The following RNLS variants were observed in gnomAD, a reference collection of about 807,000 sequenced individuals.
The protein encoded by RNLS is renalase, FAD dependent amine oxidase.
In RNLS, 39 loss-of-function variants were observed where a neutral mutation model predicts 39.8. That is an observed-to-expected ratio of 0.98 (90% CI 0.76 to 1.28). The LOEUF (loss-of-function observed/expected upper bound fraction) is 1.28, where lower values mean the gene tolerates loss of function less well. RNLS is among the 50% of genes most tolerant of loss of function. RNLS has a pLI of 0.00. For synonymous variants in RNLS, 147 were observed against 150.7 expected (o/e 0.98, Z 0.18); for missense variants, 410 against 413.3 (o/e 0.99, Z 0.07).
At chr10:88,277,089 A>G (rs1399468868) in intron 6 of RNLS, among the ~76,000 whole-genome samples, 1 of 152,234 alleles carries the variant, frequency 6.6e-6, no homozygotes, top group African/African-American at 2.4e-5. Flanking sequence ...ATGTCCATCA[A>G]TGATAGACTG....
At chr10:88,436,858 T>A (rs558445190) in intron 4 of RNLS, among the ~76,000 whole-genome samples, 60 of 152,316 alleles carry the variant, frequency 3.9e-4, no homozygotes, top group African/African-American at 1.4e-3. Context: ...AAGTGCCCAA[T>A]AATAAAATCA....
At chr10:88,440,736 C>A (rs1307188419) in intron 4 of RNLS, among the ~76,000 whole-genome samples, 1 of 152,210 alleles carries the variant, frequency 6.6e-6, no homozygotes, top group East Asian at 1.9e-4. Context: ...CAATAAAAAT[C>A]TTTCCATTTA....
intron 6 of RNLS, among the ~76,000 whole-genome samples, chr10:88,293,228 G>A (rs770296604): frequency 3.3e-5 from 5 of 152,150 alleles, no homozygotes; most frequent in South Asian, 4.1e-4. Flanking sequence ...TGCTCATTGC[G>A]TATGTGAGGT....
intron 4 of RNLS, among the ~76,000 whole-genome samples, chr10:88,374,490 T>C (rs1850807279): frequency 6.6e-6 from 1 of 152,114 alleles, no homozygotes; most frequent in South Asian, 2.1e-4. Flanking sequence ...GTCAAAAACA[T>C]AAATTCCTCC....
At chr10:88,330,514 T>A (rs1019479409) in intron 5 of RNLS, among the ~76,000 whole-genome samples, 8 of 152,128 alleles carry the variant, frequency 5.3e-5, no homozygotes, top group African/African-American at 1.7e-4. Flanking sequence ...ATAGGCTTTT[T>A]AAATAAAATC....
At chr10:88,235,140 T>C in the RNLS span, among the ~76,000 whole-genome samples, 17 of 151,162 alleles carry the variant, frequency 1.1e-4, no homozygotes, top group African/African-American at 2.2e-4. Flanking sequence ...TGGTGGCGGG[T>C]GCCTGTAGTC....
chr10:88,495,205 T>C (rs971857651), intron 4 of RNLS, among the ~76,000 whole-genome samples: 2 of 152,160 alleles, frequency 1.3e-5, no homozygotes, highest in Non-Finnish European at 2.9e-5. Context: ...TGGACAAAGA[T>C]TTTTGTACAG....
At chr10:88,415,946 G>A (rs1444999302) in intron 4 of RNLS, among the ~76,000 whole-genome samples, 1 of 152,168 alleles carries the variant, frequency 6.6e-6, no homozygotes, top group Non-Finnish European at 1.5e-5. Context: ...CTGTGGGTCT[G>A]ATCTGTGGGC....
the RNLS span, among the ~76,000 whole-genome samples, chr10:88,244,093 G>T: frequency 6.6e-6 from 1 of 152,160 alleles, no homozygotes; most frequent in Non-Finnish European, 1.5e-5. Context: ...AATGCTCTTC[G>T]GGCTTGTTAA....
At chr10:88,251,578 G>A in the RNLS span, among the ~76,000 whole-genome samples, 1 of 152,186 alleles carries the variant, frequency 6.6e-6, no homozygotes, top group African/African-American at 2.4e-5. Context: ...CTGTTATAAG[G>A]AGTTTGTTGG....
chr10:88,393,403 C>G (rs1415896947), intron 4 of RNLS, among the ~76,000 whole-genome samples: 1 of 151,102 alleles, frequency 6.6e-6, no homozygotes, highest in Non-Finnish European at 1.5e-5. Flanking sequence ...CAATAACAGA[C>G]AAACAGAGAG....
chr10:88,470,878 T>C (rs1311297019), intron 4 of RNLS, among the ~76,000 whole-genome samples: 1 of 152,160 alleles, frequency 6.6e-6, no homozygotes, highest in Non-Finnish European at 1.5e-5. Context: ...CCTCCCAAAG[T>C]GCTGGGATTA....
At chr10:88,331,571 T>C (rs1847113097) in intron 5 of RNLS, among the ~76,000 whole-genome samples, 1 of 152,160 alleles carries the variant, frequency 6.6e-6, no homozygotes, top group Non-Finnish European at 1.5e-5. Flanking sequence ...CGGTATACTA[T>C]TGATGTGTGT....
chr10:88,434,491 T>C (rs753054202), intron 4 of RNLS, among the ~76,000 whole-genome samples: 52 of 152,174 alleles, frequency 3.4e-4, no homozygotes, highest in Non-Finnish European at 6.8e-4. Flanking sequence ...ATTTGATGCA[T>C]GTGTAAAAAT....
At chr10:88,275,931 G>A (rs1842796903) in intron 6 of RNLS, among the ~76,000 whole-genome samples, 1 of 152,090 alleles carries the variant, frequency 6.6e-6, no homozygotes, top group Non-Finnish European at 1.5e-5. Context: ...GTGTGTGCCT[G>A]TAGTCCCAGC....
At chr10:88,296,056 T>C (rs1338121949) in intron 6 of RNLS, among the ~76,000 whole-genome samples, 2 of 152,334 alleles carry the variant, frequency 1.3e-5, no homozygotes, top group Non-Finnish European at 2.9e-5. Context: ...AGTTGTAGTA[T>C]ATTCATTCAT....
At chr10:88,384,082 G>A (rs1389037992) in intron 4 of RNLS, among the ~76,000 whole-genome samples, 1 of 151,912 alleles carries the variant, frequency 6.6e-6, no homozygotes. Flanking sequence ...TTTCTATCTT[G>A]TCATGTAATT....
At chr10:88,468,213 A>T (rs555665775) in intron 4 of RNLS, among the ~76,000 whole-genome samples, 1 of 152,312 alleles carries the variant, frequency 6.6e-6, no homozygotes, top group Admixed American at 6.5e-5. Flanking sequence ...CAAATTAGCA[A>T]CAACAAAAAA....
chr10:88,469,756 CA>C (rs1232199959), intron 4 of RNLS, among the ~76,000 whole-genome samples: 2 of 150,572 alleles, frequency 1.3e-5, no homozygotes, highest in Non-Finnish European at 3.0e-5. Flanking sequence ...TCTTAGAAGA[CA>C]AAAAATATAT....
Sources: allele counts gnomAD v4.1 joint callset (sites outside exome capture counted in the v4.1 genomes callset), GRCh38; gene constraint gnomAD v4.1.1; transcripts MANE v1.5; gene names NCBI Gene and HGNC (gene_info 2026-07-23, HGNC 2026-07-21).